The following TIAL1 variants were observed in gnomAD, a reference collection of about 807,000 sequenced individuals.
The protein encoded by TIAL1 is TIA1 cytotoxic granule associated RNA binding protein like 1.
A neutral mutation model predicts 59.7 loss-of-function variants in TIAL1; 7 were observed. That is an observed-to-expected ratio of 0.12 (90% CI 0.07 to 0.22). The LOEUF (loss-of-function observed/expected upper bound fraction) is 0.22. TIAL1 is among the 10% of genes least tolerant of loss of function. TIAL1 has a pLI of 1.00. For missense variants in TIAL1, 225 were observed against 462.5 expected, an observed-to-expected ratio of 0.49 and a Z score of 4.71; for synonymous variants, 149 against 146.3, an observed-to-expected ratio of 1.02 and a Z score of -0.13.
rs1280646828 is a variant in TIAL1 at position 119,575,649 on chromosome 10, T to C, written c.*16A>G. ...GAAGCCTATCATGAATTACAATTTT[T>C]TTTTAGAGTCCCGGCTCACTGTGTT... On this transcript the variant is annotated 3_prime_UTR_variant, in exon 12 of 12. Coordinates refer to ENST00000436547, the MANE Select transcript of TIAL1 (RefSeq NM_003252.4). 6.2e-7 allele frequency: 1 copy of C among 1,613,578 alleles called. No individual in the cohort carries two copies. Among genetic ancestry groups the C allele is most frequent in the African/African-American group, 1.3e-5 (1 of 74,888 alleles).
At position 119,582,662 on chromosome 10, in the gene TIAL1, G is replaced by A. The variant is rs1845356816; in HGVS notation, c.130-105C>T. 4 of 1,529,512 alleles carry A rather than the reference G, an allele frequency of 2.6e-6. No individual in the cohort carries two copies. In the Admixed American group the frequency reaches 8.7e-5, roughly 33 times the overall value. 94.7% of individuals were successfully genotyped at this position (1,529,512 alleles called of 1,614,324 possible). On this transcript the variant is annotated intron_variant, in intron 2 of 11. Coordinates refer to ENST00000436547, the MANE Select transcript of TIAL1 (RefSeq NM_003252.4). The surrounding 1 kb of genome is among the most constrained non-coding windows in gnomAD (Gnocchi z 5.1). ...ACTGATAGCTGGGAATATACAAGGT[G>A]AGACTGCATAAGCTTATGAAAGCCT...
chr10:119,596,352 C>A (rs1846189619), intron 1 of TIAL1, 82 bp downstream of exon 1: 2 of 1,528,802 alleles, frequency 1.3e-6, no homozygotes, highest in African/African-American at 1.4e-5. Flanking sequence ...CGGCTTCGGC[C>A]CAGTCTCTCC....
In TIAL1 at chr10:119,596,525, G is replaced by T; in HGVS notation, c.-60C>A. 1 of 757,316 alleles carries T rather than the reference G, an allele frequency of 1.3e-6. No homozygotes were observed. Among genetic ancestry groups the T allele is most frequent in the South Asian group, 1.7e-5 (1 of 60,300 alleles). The allele number at this position is 757,316 out of a possible 1,614,324, so 46.9% of individuals were successfully genotyped here. On this transcript the variant is annotated 5_prime_UTR_variant, in exon 1 of 12. Coordinates refer to ENST00000436547, the MANE Select transcript of TIAL1 (RefSeq NM_003252.4). Reference sequence around the variant, plus strand: ...GAGGGCAGGGTTGGGGAGGGGAGGGGGTGGGGAGGAAGGGGAGGGGGGCTC... The same window carrying T: ...GAGGGCAGGGTTGGGGAGGGGAGGGTGTGGGGAGGAAGGGGAGGGGGGCTC...
chr10:119,582,311 G>T lies in TIAL1; in HGVS notation c.229-88C>A, dbSNP rs896023647. 6.8e-7 allele frequency: 1 copy of T among 1,468,620 alleles called. No individual in the cohort carries two copies. The highest frequency in any genetic ancestry group is 9.2e-7 in the Non-Finnish European group (1 of 1,087,908). The allele number at this position is 1,468,620 out of a possible 1,614,324, so 91.0% of individuals were successfully genotyped here. On this transcript the variant is annotated intron_variant, in intron 3 of 11. Coordinates refer to ENST00000436547, the MANE Select transcript of TIAL1 (RefSeq NM_003252.4). The surrounding 1 kb of genome is among the most constrained non-coding windows in gnomAD (Gnocchi z 5.1). ...CTTATTAAATCATTTATCAAGCAGG[G>T]TTATTTTTGTAAAAGCACTAAGCTG...
At chr10:119,577,564 T>C (rs1412475562) in intron 8 of TIAL1, 29 bp from the exon 9 acceptor site, 2 of 1,608,630 alleles carry the variant, frequency 1.2e-6, no homozygotes, top group Non-Finnish European at 1.7e-6. Context: ...AAATAAAACA[T>C]GGCTGATGTG....
At position 119,577,901 on chromosome 10, in the gene TIAL1, C is replaced by T. The variant is rs547691629; in HGVS notation, c.557-165G>A. Among the ~76,000 whole-genome samples, 7 of 152,112 alleles carry T rather than the reference C, an allele frequency of 4.6e-5. No homozygotes were observed. The East Asian group carries it at 1.4e-3, about 29-fold the overall frequency. Reference sequence around the variant, plus strand: ...GGTCAGGAGTTCGAGACCAGCCTGGCCAACATGACGAAATCCTGTCTCTAC... The same window carrying T: ...GGTCAGGAGTTCGAGACCAGCCTGGTCAACATGACGAAATCCTGTCTCTAC... On this transcript the variant is annotated intron_variant, in intron 7 of 11. Coordinates refer to ENST00000436547, the MANE Select transcript of TIAL1 (RefSeq NM_003252.4).
rs1302188801 is a variant in TIAL1, at chr10:119,574,631, A to G, written c.*1034T>C. 2 of 150,494 alleles carry G rather than the reference A, an allele frequency of 1.3e-5. No homozygotes were observed. Among genetic ancestry groups the G allele is most frequent in the Non-Finnish European group, 3.0e-5 (2 of 67,588 alleles). 9.3% of individuals were successfully genotyped at this position (150,494 alleles called of 1,614,324 possible). A position where few individuals can be genotyped will look rare whatever the true frequency, so the allele number is the denominator to read the frequency against. ...AACAAAAACAAAAAACTAATTCCCA[A>G]TGACATTTTAGAACATACTAATGCA... On this transcript the variant is annotated 3_prime_UTR_variant, in exon 12 of 12. Coordinates refer to ENST00000436547, the MANE Select transcript of TIAL1 (RefSeq NM_003252.4).
In TIAL1 at chr10:119,575,651, T is replaced by G; in HGVS notation, c.*14A>C. The G allele has an allele frequency of 6.2e-7, 1 of 1,613,700 alleles. No individual in the cohort carries two copies. The highest frequency in any genetic ancestry group is 8.5e-7 in the Non-Finnish European group (1 of 1,179,824). ...AGCCTATCATGAATTACAATTTTTTTTTAGAGTCCCGGCTCACTGTGTTTG... is the reference window on the plus strand; with the variant it reads ...AGCCTATCATGAATTACAATTTTTTGTTAGAGTCCCGGCTCACTGTGTTTG... On this transcript the variant is annotated 3_prime_UTR_variant, in exon 12 of 12. Transcript: ENST00000436547.
Position 119,580,015 on chromosome 10 carries a change from G to A in TIAL1, c.372-5C>T. 1 of 1,608,766 alleles carries A rather than the reference G, an allele frequency of 6.2e-7. No individual in the cohort carries two copies. Among genetic ancestry groups the A allele is most frequent in the Non-Finnish European group, 8.5e-7 (1 of 1,177,832 alleles). On this transcript the variant is annotated splice_polypyrimidine_tract_variant and splice_region_variant and intron_variant, in intron 5 of 11. Transcript: ENST00000436547. ...TCTTTAACTACCCGGGCATCCCTGT[G>A]AAAAGAAGCACAGCTAAATGAGGGA...
At position 119,574,552 on chromosome 10, in the gene TIAL1, T is replaced by A. The variant is rs1343693879; in HGVS notation, c.*1113A>T. 1.0e-5 allele frequency: 1 copy of A among 97,230 alleles called. No homozygotes were observed. The highest frequency in any genetic ancestry group is 3.8e-5 in the African/African-American group (1 of 26,424). The allele number at this position is 97,230 out of a possible 1,614,324, so 6.0% of individuals were successfully genotyped here. Reference sequence around the variant, plus strand: ...ACCTTGAAATTGGTTTACAAGGTTTTAATCAAGGTATTTACATACCAAGTA... The same window carrying A: ...ACCTTGAAATTGGTTTACAAGGTTTAAATCAAGGTATTTACATACCAAGTA... On this transcript the variant is annotated 3_prime_UTR_variant, in exon 12 of 12. Coordinates refer to ENST00000436547, the MANE Select transcript of TIAL1 (RefSeq NM_003252.4).
At chr10:119,589,862 A>T (rs1845762576) in intron 1 of TIAL1, among the ~76,000 whole-genome samples, 2 of 152,232 alleles carry the variant, frequency 1.3e-5, no homozygotes, top group East Asian at 3.8e-4. Flanking sequence ...CATAAACCAA[A>T]CAATATCTGT....
At position 119,582,702 on chromosome 10, in the gene TIAL1, A is replaced by C; in HGVS notation, c.130-145T>G. 7.6e-7 allele frequency: 1 copy of C among 1,313,604 alleles called. No homozygotes were observed. The highest frequency in any genetic ancestry group is 1.0e-6 in the Non-Finnish European group (1 of 995,910). The allele number at this position is 1,313,604 out of a possible 1,614,324, so 81.4% of individuals were successfully genotyped here. A position where few individuals can be genotyped will look rare whatever the true frequency, so the allele number is the denominator to read the frequency against. On this transcript the variant is annotated intron_variant, in intron 2 of 11. Coordinates refer to ENST00000436547, the MANE Select transcript of TIAL1 (RefSeq NM_003252.4). The surrounding 1 kb of genome is among the most constrained non-coding windows in gnomAD (Gnocchi z 5.1). ...TATGAAAGCCTAACACTTTTTAAAT[A>C]AGATTTAAAGCTAAACCTGACTTTG...
intron 1 of TIAL1, 22 bp from the exon 2 acceptor site, chr10:119,588,270 T>C (rs1845669914): frequency 5.4e-6 from 8 of 1,471,342 alleles, no homozygotes; most frequent in Non-Finnish European, 7.4e-6. Flanking sequence ...AAAAATACGT[T>C]ATCAGCAATT....
In TIAL1 at chr10:119,582,263, G is replaced by T; in HGVS notation, c.229-40C>A. ...TATATTTAATAAAATTATTAGGCAT[G>T]TCATGAGTTACAACACTTACCACTT... On this transcript the variant is annotated intron_variant, in intron 3 of 11. Transcript: ENST00000436547. The surrounding 1 kb of genome is among the most constrained non-coding windows in gnomAD (Gnocchi z 5.1). 6.5e-7 allele frequency: 1 copy of T among 1,533,024 alleles called. No homozygotes were observed. The highest frequency in any genetic ancestry group is 8.8e-7 in the Non-Finnish European group (1 of 1,131,096). 95.0% of individuals were successfully genotyped at this position (1,533,024 alleles called of 1,614,324 possible). A position where few individuals can be genotyped will look rare whatever the true frequency, so the allele number is the denominator to read the frequency against.
At position 119,577,183 on chromosome 10, in the gene TIAL1, G is replaced by A; in HGVS notation, c.758C>T (p.Ala253Val). Residue 253 changes from alanine to valine, a missense_variant, in exon 10 of 12, where the codon GCA (alanine) becomes GTA (valine). Ala to Val is a moderately conservative substitution (Grantham distance 64). Transcript: ENST00000436547. ...SFVRFSTHESAAHAIVSVNGT... is the reference protein window; with the variant it reads ...SFVRFSTHESVAHAIVSVNGT... The stretch of plus-strand genomic sequence containing the variant: ...GTTCACCGAAACAATGGCATGGGCT[G>A]CACTTTCATGGGTTGAAAATCTAAG... The A allele has an allele frequency of 6.2e-7, 1 of 1,603,876 alleles. No individual in the cohort carries two copies. Among genetic ancestry groups the A allele is most frequent in the Admixed American group, 1.8e-5 (1 of 56,854 alleles).
At chr10:119,592,409 A>G (rs1845926722) in intron 1 of TIAL1, 1 of 152,194 alleles carries the variant, frequency 6.6e-6, no homozygotes, top group African/African-American at 2.4e-5. Flanking sequence ...ACATTGCCAA[A>G]CTACTTCCTG....
At position 119,588,193 on chromosome 10, in the gene TIAL1, T is replaced by G; in HGVS notation, c.88A>C (p.Ser30Arg). 3 of 1,600,362 alleles carry G rather than the reference T, an allele frequency of 1.9e-6. No homozygotes were observed. Among genetic ancestry groups the G allele is most frequent in the Non-Finnish European group, 2.6e-6 (3 of 1,171,918 alleles). Residue 30 changes from serine (S) to arginine (R), a missense_variant, in exon 2 of 12, where the codon AGT becomes CGT. By Grantham distance (110) the Ser-to-Arg change is moderately radical. Transcript: ENST00000436547. ...VTEVLILQLF[S>R]QIGPCKSCKM... ...CAGCTTTTACAGGGTCCAATCTGAC[T>G]GAACAACTGAAGTATAAGGACTTCT...
At chr10:119,577,426 AATG>A (rs1412224393) in intron 9 of TIAL1, 22 bp downstream of exon 9, 3 of 1,576,116 alleles carry the variant, frequency 1.9e-6, no homozygotes, top group Admixed American at 3.4e-5. Context: ...TAAGAGTAAT[AATG>A]ATATTTCAAG....
intron 2 of TIAL1, among the ~76,000 whole-genome samples, chr10:119,585,441 C>A (rs1293820060): frequency 6.7e-6 from 1 of 148,770 alleles, no homozygotes; most frequent in African/African-American, 2.5e-5. Context: ...CAGAGTCAGA[C>A]CCTGTCTCTT....
Sources: allele counts gnomAD v4.1 joint callset (sites outside exome capture counted in the v4.1 genomes callset), GRCh38; gene constraint gnomAD v4.1.1; non-coding constraint Gnocchi (gnomAD v3.1); transcripts MANE v1.5; gene names NCBI Gene and HGNC (gene_info 2026-07-23, HGNC 2026-07-21).